The following EGLN1 variants were observed in gnomAD, a reference collection of about 807,000 sequenced individuals.
EGLN1 encodes egl-9 family hypoxia inducible factor 1.
EGLN1 carries 17 observed loss-of-function variants against 38.3 expected under a neutral mutation model. That is an observed-to-expected ratio of 0.44 (90% CI 0.30 to 0.67). The LOEUF (loss-of-function observed/expected upper bound fraction) is 0.67, where lower values mean the gene tolerates loss of function less well. Among genes scored for constraint, EGLN1 ranks in the 30% least tolerant of loss-of-function variants. The probability of loss-of-function intolerance (pLI) is 0.08; values close to 1 mark genes in which losing one functional copy is unlikely to be tolerated. For missense variants in EGLN1, 477 were observed against 603.3 expected (o/e 0.79, Z 2.19); for synonymous variants, 283 against 257.5 (o/e 1.10, Z -0.95).
intron 1 of EGLN1, among the ~76,000 whole-genome samples, chr1:231,388,678 G>A (rs941984259): frequency 8.6e-5 from 13 of 151,388 alleles, no homozygotes; most frequent in East Asian, 1.9e-4. Flanking sequence ...GTTTTGAGAC[G>A]GCGTCTCTCT....
rs1189864673 is a variant in EGLN1 at position 231,363,841 on chromosome 1, A to G, written c.*2570T>C. The G allele has an allele frequency of 6.6e-6, 1 of 152,238 alleles. No homozygotes were observed. Among genetic ancestry groups the G allele is most frequent in the Non-Finnish European group, 1.5e-5 (1 of 68,030 alleles). 9.4% of individuals were successfully genotyped at this position (152,238 alleles called of 1,614,324 possible). A position where few individuals can be genotyped will look rare whatever the true frequency, so the allele number is the denominator to read the frequency against. On this transcript the variant is annotated 3_prime_UTR_variant, in exon 5 of 5. Transcript: ENST00000366641. ...TTTCATAATGAAACACTGCTTTTCA[A>G]ATTACATGACTTTATAGTCTATCTG...
Position 231,411,973 on chromosome 1 carries a change from T to C in EGLN1, c.891+9025A>G, listed in dbSNP as rs188015172. On this transcript the variant is annotated intron_variant, in intron 1 of 4. Transcript: ENST00000366641. ...GTTGCAGTGAACCAAGACCACGCCA[T>C]TGCACTACAGCCTGGGTGACAGAGT... Among the ~76,000 whole-genome samples, 1,022 of 115,484 alleles carry C rather than the reference T, an allele frequency of 8.8e-3. 38 individuals carry two copies. The Admixed American group carries it at 0.1, about 12-fold the overall frequency. The allele number at this position is 115,484 out of a possible 152,430, so 75.8% of individuals were successfully genotyped here. A position where few individuals can be genotyped will look rare whatever the true frequency, so the allele number is the denominator to read the frequency against.
At position 231,421,399 on chromosome 1, in the gene EGLN1, G is replaced by A. The variant is rs1407678909; in HGVS notation, c.490C>T (p.Pro164Ser). ...GCATCCCCGGGCGTGTTGCTTGGGG[G>A]GTACAGGTTCGCCTTCTCCTGGAAC... ...SLFQEKANLY[P>S]PSNTPGDALS... Residue 164 changes from proline to serine, a missense_variant, in exon 1 of 5, where the codon CCC becomes TCC. Pro to Ser is a moderately conservative substitution (Grantham distance 74). Transcript: ENST00000366641. The surrounding 1 kb of genome is among the most constrained non-coding windows in gnomAD (Gnocchi z 5.5). 12 of 1,600,582 alleles carry A rather than the reference G, an allele frequency of 7.5e-6. No homozygotes were observed. The East Asian group carries it at 1.1e-4, about 15-fold the overall frequency.
intron 1 of EGLN1, among the ~76,000 whole-genome samples, chr1:231,413,971 A>G (rs1689014918): frequency 6.7e-6 from 1 of 149,068 alleles, no homozygotes; most frequent in African/African-American, 2.5e-5. Flanking sequence ...TGTGATTATG[A>G]AGTACAAAGG....
intron 4 of EGLN1, among the ~76,000 whole-genome samples, chr1:231,366,857 T>C (rs1687662439): frequency 6.6e-6 from 1 of 152,220 alleles, no homozygotes; most frequent in Admixed American, 6.5e-5. Context: ...CGACGTGCGA[T>C]TAGCAATGGC....
At chr1:231,391,344 A>G (rs1395356953) in intron 1 of EGLN1, among the ~76,000 whole-genome samples, 1 of 152,132 alleles carries the variant, frequency 6.6e-6, no homozygotes, top group East Asian at 1.9e-4. Context: ...GATCTAGCAG[A>G]GATTTAAAAT....
chr1:231,404,258 G>A (rs1294947718), intron 1 of EGLN1, among the ~76,000 whole-genome samples: 2 of 152,034 alleles, frequency 1.3e-5, no homozygotes, highest in Non-Finnish European at 2.9e-5. Flanking sequence ...TGACAGCACA[G>A]ACACCAAAGT....
chr1:231,401,381 C>A (rs2244994), intron 1 of EGLN1, among the ~76,000 whole-genome samples: 8 of 151,932 alleles, frequency 5.3e-5, no homozygotes, highest in African/African-American at 1.9e-4. Context: ...GCTTGGTACA[C>A]AATAAGCATT....
intron 3 of EGLN1, chr1:231,369,683 C>T: frequency 1.3e-6 from 1 of 778,366 alleles, no homozygotes; most frequent in Non-Finnish European, 1.6e-6. Context: ...TAGAGTCAAC[C>T]ATCATTACTA....
At chr1:231,390,383 C>T (rs531012177) in intron 1 of EGLN1, among the ~76,000 whole-genome samples, 2 of 152,342 alleles carry the variant, frequency 1.3e-5, no homozygotes, top group East Asian at 3.9e-4. Flanking sequence ...CTAAGAGAGT[C>T]TACTATGTGC....
chr1:231,377,530 G>GA (rs774393031), intron 1 of EGLN1, among the ~76,000 whole-genome samples: 4 of 152,204 alleles, frequency 2.6e-5, no homozygotes, highest in Non-Finnish European at 5.9e-5. Context: ...GTAAGTAAAT[G>GA]AATGGAGTCA....
chr1:231,385,552 T>A (rs935849286), intron 1 of EGLN1, among the ~76,000 whole-genome samples: 1 of 152,210 alleles, frequency 6.6e-6, no homozygotes, highest in African/African-American at 2.4e-5. Flanking sequence ...AGGGTGAACC[T>A]GACGTGTGAG....
rs1015074912 is a variant in EGLN1, at chr1:231,378,673, C to T, written c.892-4574G>A. 3.3e-5 allele frequency among the ~76,000 whole-genome samples: 5 copies of T among 152,296 alleles called. No homozygotes were observed. The East Asian group carries it at 9.6e-4, about 29-fold the overall frequency. Reference sequence around the variant, plus strand: ...AGAATAAAAGGAAGGAAGAGGTCCGCAATGCCTCTGAGGAATCTAGAGACA... The same window carrying T: ...AGAATAAAAGGAAGGAAGAGGTCCGTAATGCCTCTGAGGAATCTAGAGACA... On this transcript the variant is annotated intron_variant, in intron 1 of 4. Transcript: ENST00000366641.
chr1:231,385,069 G>C (rs1043958559), intron 1 of EGLN1, among the ~76,000 whole-genome samples: 2 of 152,348 alleles, frequency 1.3e-5, no homozygotes, highest in Middle Eastern at 3.4e-3. Flanking sequence ...GAGGTGGTAA[G>C]AAGTGCTGGG....
rs1256423532 is a variant in EGLN1 at position 231,409,255 on chromosome 1, AAC to A, written c.891+11741_891+11742del. Among the ~76,000 whole-genome samples the A allele has an allele frequency of 4.3e-3, 615 of 141,702 alleles. 7 individuals are homozygous for A. Among genetic ancestry groups the A allele is most frequent in the East Asian group, 0.022 (101 of 4,678 alleles). 93.0% of individuals were successfully genotyped at this position (141,702 alleles called of 152,430 possible). On this transcript the variant is annotated intron_variant, in intron 1 of 4. Transcript: ENST00000366641. ...GCCTAATTTCTTAAAAAAAAAAAAA[AAC>A]AAAAAAAAACCTCTCCTGGCCTGCA...
At chr1:231,387,973 G>A (rs1474644686) in intron 1 of EGLN1, among the ~76,000 whole-genome samples, 2 of 152,180 alleles carry the variant, frequency 1.3e-5, no homozygotes, top group African/African-American at 4.8e-5. Context: ...TGCTGAACCT[G>A]TTAAGTGATC....
Position 231,421,884 on chromosome 1 carries a change from G to A in EGLN1, c.5C>T (p.Ala2Val). M[A>V]NDSGGPGGPS... Reference sequence around the variant, plus strand: ...CCCGCCGGGCCCGCCGCTGTCATTGGCCATGGCGGCGGCGGCGGCGGCGAC... The same window carrying A: ...CCCGCCGGGCCCGCCGCTGTCATTGACCATGGCGGCGGCGGCGGCGGCGAC... The change falls in exon 1 of 5, where the codon GCC becomes GTC. Residue 2 changes from alanine (A) to valine (V), a missense_variant. Physicochemically the swap from Ala to Val is moderately conservative, Grantham distance 64. Transcript: ENST00000366641. This position sits in a 1 kb window ranked among gnomAD's most constrained non-coding sequence, Gnocchi z 5.5. The A allele has an allele frequency of 6.9e-7, 1 of 1,449,820 alleles. No homozygotes were observed. Among genetic ancestry groups the A allele is most frequent in the Non-Finnish European group, 9.0e-7 (1 of 1,111,684 alleles). The allele number at this position is 1,449,820 out of a possible 1,614,324, so 89.8% of individuals were successfully genotyped here.
rs759405757 is a variant in EGLN1 at position 231,421,902 on chromosome 1, G to GCGGCGA, written c.-20_-15dup. The GCGGCGA allele has an allele frequency of 1.2e-4, 166 of 1,401,786 alleles. No homozygotes were observed. The African/African-American group carries it at 1.6e-3, about 13-fold the overall frequency. 86.8% of individuals were successfully genotyped at this position (1,401,786 alleles called of 1,614,324 possible). On this transcript the variant is annotated 5_prime_UTR_variant, in exon 1 of 5. Coordinates refer to ENST00000366641, the MANE Select transcript of EGLN1 (RefSeq NM_022051.3). The surrounding 1 kb of genome is among the most constrained non-coding windows in gnomAD (Gnocchi z 5.5). ...GTCATTGGCCATGGCGGCGGCGGCGGCGGCGACGGCGACTGCGGCGGCCGA... is the reference window on the plus strand; with the variant it reads ...GTCATTGGCCATGGCGGCGGCGGCGGCGGCGACGGCGACGGCGACTGCGGCGGCCGA...
At chr1:231,396,197 C>T (rs1292779156) in intron 1 of EGLN1, among the ~76,000 whole-genome samples, 3 of 151,890 alleles carry the variant, frequency 2.0e-5, no homozygotes, top group Non-Finnish European at 4.4e-5. Context: ...TACACATCCC[C>T]ACCCCCTTCC....
Sources: gnomAD v4.1 joint callset for allele counts (sites outside exome capture counted in the v4.1 genomes callset) on GRCh38, gnomAD v4.1.1 for gene constraint, Gnocchi (gnomAD v3.1) non-coding constraint, MANE v1.5 for transcripts, NCBI Gene and HGNC (gene_info 2026-07-23, HGNC 2026-07-21) for gene names.